The following HS3ST4 variants were observed in gnomAD, a reference collection of about 807,000 sequenced individuals.
HS3ST4 encodes the protein heparan sulfate glucosamine 3-O-sulfotransferase 4.
HS3ST4 carries 17 observed loss-of-function variants against 29.2 expected under a neutral mutation model. That is an observed-to-expected ratio of 0.58 (90% CI 0.40 to 0.87). The LOEUF (loss-of-function observed/expected upper bound fraction) is 0.87. Ranked by LOEUF, HS3ST4 falls within the 40% of genes least tolerant of loss-of-function variation. The probability of loss-of-function intolerance (pLI) is 0.00; values close to 1 mark genes in which losing one functional copy is unlikely to be tolerated. For synonymous variants in HS3ST4, 314 were observed against 285.7 expected (o/e 1.10, Z -1.00); for missense variants, 627 against 634.5 (o/e 0.99, Z 0.13).
intron 1 of HS3ST4, among the ~76,000 whole-genome samples, chr16:26,004,546 G>A (rs759780989): frequency 1.3e-5 from 2 of 152,134 alleles, no homozygotes; most frequent in Non-Finnish European, 2.9e-5. Flanking sequence ...TGCTATGGAC[G>A]TTTCTAGAAG....
chr16:25,717,099 A>G (rs986362339), intron 1 of HS3ST4, among the ~76,000 whole-genome samples: 2 of 152,118 alleles, frequency 1.3e-5, no homozygotes, highest in African/African-American at 4.8e-5. Context: ...TGACTTGTCC[A>G]GAGTGACACA....
chr16:26,024,501 G>A (rs1367738351), intron 1 of HS3ST4, among the ~76,000 whole-genome samples: 2 of 152,098 alleles, frequency 1.3e-5, no homozygotes, highest in African/African-American at 4.8e-5. Flanking sequence ...GGAGGCTGAG[G>A]CAGGCAGATC....
At chr16:25,955,698 G>T (rs1416603429) in intron 1 of HS3ST4, among the ~76,000 whole-genome samples, 1 of 152,004 alleles carries the variant, frequency 6.6e-6, no homozygotes, top group African/African-American at 2.4e-5. Context: ...TTATAGGAGT[G>T]GTTGGTGTGT....
At chr16:25,985,107 T>C (rs1348818933) in intron 1 of HS3ST4, among the ~76,000 whole-genome samples, 1 of 152,236 alleles carries the variant, frequency 6.6e-6, no homozygotes, top group South Asian at 2.1e-4. Context: ...TTTTACAACA[T>C]TGGACAAGTT....
intron 1 of HS3ST4, among the ~76,000 whole-genome samples, chr16:25,745,241 C>G (rs374614838): frequency 2.6e-5 from 4 of 152,224 alleles, no homozygotes. Flanking sequence ...AGTTGGGTCA[C>G]TGGCAATCTT....
chr16:25,837,740 A>C (rs1967373568), intron 1 of HS3ST4, among the ~76,000 whole-genome samples: 1 of 152,148 alleles, frequency 6.6e-6, no homozygotes, highest in South Asian at 2.1e-4. Flanking sequence ...GTTGCATATT[A>C]AATACTTCTC....
chr16:26,109,603 G>A (rs1428145472), intron 1 of HS3ST4, among the ~76,000 whole-genome samples: 4 of 152,126 alleles, frequency 2.6e-5, no homozygotes, highest in Admixed American at 2.6e-4. Flanking sequence ...TAATCTATGA[G>A]ATCAACACAG....
intron 1 of HS3ST4, among the ~76,000 whole-genome samples, chr16:25,761,203 C>T (rs1264665119): frequency 6.6e-6 from 1 of 152,152 alleles, no homozygotes; most frequent in Admixed American, 6.5e-5. Context: ...CTATAATTTC[C>T]AGTGAAGTCC....
chr16:26,136,458 A>G lies in HS3ST4; in HGVS notation c.*210A>G. The G allele has an allele frequency of 1.7e-6, 1 of 589,006 alleles. No homozygotes were observed. Among genetic ancestry groups the G allele is most frequent in the Admixed American group, 3.1e-5 (1 of 32,012 alleles). The allele number at this position is 589,006 out of a possible 1,614,324, so 36.5% of individuals were successfully genotyped here. A position where few individuals can be genotyped will look rare whatever the true frequency, so the allele number is the denominator to read the frequency against. On this transcript the variant is annotated 3_prime_UTR_variant, in exon 2 of 2. Coordinates refer to ENST00000331351, the MANE Select transcript of HS3ST4 (RefSeq NM_006040.3). ...ATGGAGGAACCAGGCCCATCTGGGCAGCAGCATCTGGTTGACCAGATGGCC... is the reference window on the plus strand; with the variant it reads ...ATGGAGGAACCAGGCCCATCTGGGCGGCAGCATCTGGTTGACCAGATGGCC...
chr16:25,840,691 G>A (rs1166440542), intron 1 of HS3ST4, among the ~76,000 whole-genome samples: 1 of 152,116 alleles, frequency 6.6e-6, no homozygotes, highest in Non-Finnish European at 1.5e-5. Flanking sequence ...AAGAAATAAA[G>A]TATCAACCTA....
intron 1 of HS3ST4, among the ~76,000 whole-genome samples, chr16:25,849,452 G>C (rs1967497058): frequency 6.6e-6 from 1 of 152,088 alleles, no homozygotes; most frequent in African/African-American, 2.4e-5. Flanking sequence ...TTGAAGTCCT[G>C]TTATTTGATG....
chr16:25,877,646 C>T (rs1267307232), intron 1 of HS3ST4, among the ~76,000 whole-genome samples: 1 of 152,150 alleles, frequency 6.6e-6, no homozygotes, highest in Non-Finnish European at 1.5e-5. Context: ...TTGGAGGAAG[C>T]ATAGCCCCTG....
intron 1 of HS3ST4, among the ~76,000 whole-genome samples, chr16:25,773,446 C>A (rs113152476): frequency 1.2e-4 from 18 of 152,218 alleles, no homozygotes; most frequent in African/African-American, 4.3e-4. Flanking sequence ...AATTTGTCTC[C>A]CTAATAGATG....
intron 1 of HS3ST4, among the ~76,000 whole-genome samples, chr16:25,957,934 C>T (rs1308971777): frequency 2.6e-5 from 4 of 152,078 alleles, no homozygotes; most frequent in Non-Finnish European, 5.9e-5. Context: ...CTTGTGTTTC[C>T]TTAGACTCTT....
intron 1 of HS3ST4, among the ~76,000 whole-genome samples, chr16:25,989,670 G>C: frequency 6.6e-6 from 1 of 152,186 alleles, no homozygotes; most frequent in East Asian, 1.9e-4. Context: ...GACTTCGTCT[G>C]CTCAGGGGTT....
At chr16:26,092,271 T>C (rs1898866767) in intron 1 of HS3ST4, among the ~76,000 whole-genome samples, 1 of 152,140 alleles carries the variant, frequency 6.6e-6, no homozygotes, top group South Asian at 2.1e-4. Context: ...AATAGCCTTC[T>C]CCACAGGACA....
intron 1 of HS3ST4, among the ~76,000 whole-genome samples, chr16:26,072,163 G>A (rs886575442): frequency 1.3e-5 from 2 of 152,198 alleles, no homozygotes; most frequent in Admixed American, 1.3e-4. Context: ...TACTTGTTGT[G>A]TGGCCTTCAG....
chr16:25,734,586 T>C (rs555430412), intron 1 of HS3ST4, among the ~76,000 whole-genome samples: 3 of 152,282 alleles, frequency 2.0e-5, no homozygotes, highest in Admixed American at 6.5e-5. Flanking sequence ...CAGAAAGATG[T>C]AATTCCTCCC....
intron 1 of HS3ST4, among the ~76,000 whole-genome samples, chr16:26,113,314 C>A (rs1031307996): frequency 6.6e-6 from 1 of 151,768 alleles, no homozygotes; most frequent in African/African-American, 2.4e-5. Flanking sequence ...GGTGTAGCGG[C>A]GGGCACCTGT....
Sources: gnomAD v4.1 joint callset for allele counts (sites outside exome capture counted in the v4.1 genomes callset) on GRCh38, gnomAD v4.1.1 for gene constraint, MANE v1.5 for transcripts, NCBI Gene and HGNC (gene_info 2026-07-23, HGNC 2026-07-21) for gene names.